Variants in NXN observed in about 807,000 individuals in gnomAD.
NXN encodes nucleoredoxin 1.
NXN carries 16 observed loss-of-function variants against 48.6 expected under a neutral mutation model. The observed-to-expected ratio is 0.33, with a 90% CI of 0.22 to 0.50. The LOEUF is 0.50. Ranked by LOEUF, NXN falls within the 20% of genes least tolerant of loss-of-function variation. NXN has a pLI of 0.98. For synonymous variants in NXN, 281 were observed against 269.6 expected, an observed-to-expected ratio of 1.04 and a Z score of -0.41; for missense variants, 492 against 605.5, an observed-to-expected ratio of 0.81 and a Z score of 1.97.
chr17:923,377 G>T (rs1182355471), intron 1 of NXN, among the ~76,000 whole-genome samples: 6 of 152,080 alleles, frequency 3.9e-5, no homozygotes, highest in Non-Finnish European at 5.9e-5. Flanking sequence ...TTTTATATTA[G>T]TCAGGTGTGT....
At chr17:827,367 A>G (rs781013371) in intron 1 of NXN, among the ~76,000 whole-genome samples, 2 of 151,974 alleles carry the variant, frequency 1.3e-5, no homozygotes, top group Non-Finnish European at 2.9e-5. Flanking sequence ...TCACACCTGT[A>G]ATCCCAGCAC....
intron 1 of NXN, among the ~76,000 whole-genome samples, chr17:859,460 A>C (rs970068885): frequency 3.9e-5 from 6 of 152,186 alleles, no homozygotes; most frequent in African/African-American, 1.2e-4. Context: ...AAATGTGAAA[A>C]GTTGACTTCC....
chr17:907,342 A>ATT lies in NXN; in HGVS notation c.360+71975_360+71976dup, dbSNP rs3062164. ...GAGGAGAAGTGATGTCTCAATACCT[A>ATT]TTTTTTTTTTTTTTTTAAACAGAGT... On this transcript the variant is annotated intron_variant, in intron 1 of 7. Transcript: ENST00000336868. 8.9e-5 allele frequency among the ~76,000 whole-genome samples: 13 copies of ATT among 145,782 alleles called. No homozygotes were observed. In the South Asian group the frequency reaches 1.5e-3, roughly 17 times the overall value.
intron 1 of NXN, among the ~76,000 whole-genome samples, chr17:841,932 T>C (rs1914348701): frequency 6.6e-6 from 1 of 151,392 alleles, no homozygotes; most frequent in African/African-American, 2.4e-5. Context: ...AGCTCAGGAG[T>C]TGGAGGCCAG....
chr17:882,525 G>A (rs1392278113), intron 1 of NXN, among the ~76,000 whole-genome samples: 2 of 152,144 alleles, frequency 1.3e-5, no homozygotes, highest in African/African-American at 2.4e-5. Flanking sequence ...GAGTGCAGTG[G>A]CGCAATCTCG....
rs530080140 is a variant in NXN at position 921,396 on chromosome 17, G to A, written c.360+57923C>T. ...AACACCCAGCGGAACCCGTCATCTTGTTCCGGTCCACGGCGCCCCCTGAAA... is the reference window on the plus strand; with the variant it reads ...AACACCCAGCGGAACCCGTCATCTTATTCCGGTCCACGGCGCCCCCTGAAA... On this transcript the variant is annotated intron_variant, in intron 1 of 7. Coordinates refer to ENST00000336868, the MANE Select transcript of NXN (RefSeq NM_022463.5). 9.2e-5 allele frequency among the ~76,000 whole-genome samples: 14 copies of A among 152,204 alleles called. No homozygotes were observed. The South Asian group carries it at 1.0e-3, about 11-fold the overall frequency.
intron 1 of NXN, among the ~76,000 whole-genome samples, chr17:928,563 C>T (rs539575067): frequency 7.9e-5 from 12 of 152,280 alleles, no homozygotes; most frequent in Admixed American, 5.2e-4. Flanking sequence ...AGGTTGGGCG[C>T]GGTGGCTCAC....
intron 1 of NXN, among the ~76,000 whole-genome samples, chr17:885,625 C>CG (rs764066432): frequency 6.7e-6 from 1 of 148,820 alleles, no homozygotes; most frequent in South Asian, 2.1e-4. Flanking sequence ...CACACATGCC[C>CG]CTCTCTGAAG....
At chr17:921,495 T>C (rs1046907395) in intron 1 of NXN, among the ~76,000 whole-genome samples, 1 of 152,150 alleles carries the variant, frequency 6.6e-6, no homozygotes, top group African/African-American at 2.4e-5. Context: ...GGCTTGTCCT[T>C]GGTCCCCTAC....
intron 1 of NXN, among the ~76,000 whole-genome samples, chr17:845,992 G>C (rs12942906): frequency 1.3e-5 from 2 of 152,302 alleles, no homozygotes; most frequent in Admixed American, 6.5e-5. Context: ...GGAGGCCAGA[G>C]AATCACTTGA....
At chr17:952,256 A>T (rs1296706042) in intron 1 of NXN, among the ~76,000 whole-genome samples, 16 of 22,118 alleles carry the variant, frequency 7.2e-4, no homozygotes, top group African/African-American at 3.7e-3. Context: ...CTGGGGTCAG[A>T]CAGACCAAGG....
intron 1 of NXN, among the ~76,000 whole-genome samples, chr17:924,982 G>T (rs576806925): frequency 1.3e-5 from 2 of 152,346 alleles, no homozygotes; most frequent in East Asian, 3.9e-4. Flanking sequence ...AGATGGGAAG[G>T]AAAAGTAACT....
Position 830,948 on chromosome 17 carries a change from C to T in NXN, c.361-4870G>A, listed in dbSNP as rs1018246413. ...CCGGGAGGCGGAGGTTGCTGTGAGC[C>T]GAGACTGAGCTATTGCACTCCAGCC... is the stretch of plus-strand genomic sequence containing the variant. On this transcript the variant is annotated intron_variant, in intron 1 of 7. Transcript: ENST00000336868. This position sits in a 1 kb window ranked among gnomAD's most constrained non-coding sequence, Gnocchi z 4.2. 1.3e-5 allele frequency among the ~76,000 whole-genome samples: 2 copies of T among 148,950 alleles called. No homozygotes were observed. The highest frequency in any genetic ancestry group is 2.0e-4 in the East Asian group (1 of 5,056).
chr17:841,288 C>T (rs969927842), intron 1 of NXN, among the ~76,000 whole-genome samples: 9 of 152,216 alleles, frequency 5.9e-5, no homozygotes, highest in South Asian at 2.1e-4. Context: ...GCTGCAGGGG[C>T]GTCAAAGAGG....
At chr17:911,740 A>T (rs8066992) in intron 1 of NXN, among the ~76,000 whole-genome samples, 42,917 of 149,926 alleles carry the variant, frequency 0.29, 6,525 homozygotes, top group African/African-American at 0.39. Context: ...TGCTGGGATT[A>T]CAGGTGTGAG....
chr17:887,324 A>G (rs1169391959), intron 1 of NXN, among the ~76,000 whole-genome samples: 1 of 152,062 alleles, frequency 6.6e-6, no homozygotes, highest in Admixed American at 6.6e-5. Flanking sequence ...GTGCAGGGGG[A>G]GGTGTGGACA....
At chr17:814,544 C>G (rs1912361604) in intron 5 of NXN, among the ~76,000 whole-genome samples, 1 of 152,216 alleles carries the variant, frequency 6.6e-6, no homozygotes, top group Non-Finnish European at 1.5e-5. Context: ...CTTCCAGGCC[C>G]TCGTACGAAA....
intron 1 of NXN, among the ~76,000 whole-genome samples, chr17:965,590 CG>C (rs2069292529): frequency 6.6e-6 from 1 of 152,108 alleles, no homozygotes; most frequent in Admixed American, 6.6e-5. Flanking sequence ...GATTTGAAGA[CG>C]GCTGAGCAAC....
chr17:892,966 C>G (rs1043741367), intron 1 of NXN, among the ~76,000 whole-genome samples: 1 of 152,228 alleles, frequency 6.6e-6, no homozygotes, highest in African/African-American at 2.4e-5. Flanking sequence ...GCAGGAATAC[C>G]TGGAGGGCAA....
Sources: gnomAD v4.1 joint callset for allele counts (sites outside exome capture counted in the v4.1 genomes callset) on GRCh38, gnomAD v4.1.1 for gene constraint, Gnocchi (gnomAD v3.1) non-coding constraint, MANE v1.5 for transcripts, NCBI Gene and HGNC (gene_info 2026-07-23, HGNC 2026-07-21) for gene names.